Variants in L3MBTL4 observed in about 807,000 individuals in gnomAD.
L3MBTL4 encodes the protein L3MBTL histone methyl-lysine binding protein 4.
In L3MBTL4, 70 loss-of-function variants were observed where a neutral mutation model predicts 84.5. The ratio of observed to expected loss-of-function variants is 0.83; its 90% CI spans 0.68 to 1.01. The LOEUF is 1.01. Among genes scored for constraint, L3MBTL4 ranks in the 50% least tolerant of loss-of-function variants. L3MBTL4 has a pLI of 0.00. For missense variants in L3MBTL4, 715 were observed against 754.8 expected (o/e 0.95, Z 0.62); for synonymous variants, 274 against 259.8 (o/e 1.05, Z -0.52).
At chr18:6,139,693 A>C (rs185978311) in intron 13 of L3MBTL4, among the ~76,000 whole-genome samples, 6 of 152,006 alleles carry the variant, frequency 3.9e-5, no homozygotes, top group Non-Finnish European at 8.8e-5. Context: ...TCCTCATCTC[A>C]ATATTCCCCA....
At chr18:6,285,113 G>A (rs373894286) in intron 4 of L3MBTL4, among the ~76,000 whole-genome samples, 1 of 152,362 alleles carries the variant, frequency 6.6e-6, no homozygotes, top group East Asian at 1.9e-4. Flanking sequence ...CACTCAGGGC[G>A]AGGAGGCGTC....
intron 1 of L3MBTL4, among the ~76,000 whole-genome samples, chr18:6,345,728 T>G (rs1234513606): frequency 6.6e-6 from 1 of 152,132 alleles, no homozygotes; most frequent in African/African-American, 2.4e-5. Context: ...AAATTAATAC[T>G]GTTAAAATAT....
intron 18 of L3MBTL4, among the ~76,000 whole-genome samples, chr18:5,959,524 T>G (rs1260136844): frequency 2.0e-5 from 3 of 152,114 alleles, no homozygotes; most frequent in Non-Finnish European, 4.4e-5. Flanking sequence ...TTCAGTACAT[T>G]CCCAACCAAG....
At chr18:5,991,004 T>G (rs1448536687) in intron 16 of L3MBTL4, among the ~76,000 whole-genome samples, 2 of 152,178 alleles carry the variant, frequency 1.3e-5, no homozygotes, top group African/African-American at 4.8e-5. Context: ...GTCCACCTTG[T>G]TTCCGTGTCC....
chr18:6,171,831 G>C lies in L3MBTL4; in HGVS notation c.1093C>G (p.Gln365Glu). Residue 365 changes from glutamine to glutamate, a missense_variant, in exon 13 of 19, where the codon CAG (glutamine) becomes GAG (glutamate). By Grantham distance (29) the Gln-to-Glu change is conservative (BLOSUM62 2). Transcript: ENST00000317931. The stretch of plus-strand genomic sequence containing the variant: ...CAACAAAGAGCAAAGTACTCACGCT[G>C]TGGCACTTCCAGTGGATGCCCTGTG... ...DVTGHPLEVPQRTNDLKILPG... is the reference protein window; with the variant it reads ...DVTGHPLEVPERTNDLKILPG... 1 of 1,532,234 alleles carries C rather than the reference G, an allele frequency of 6.5e-7. No individual in the cohort carries two copies. Among genetic ancestry groups the C allele is most frequent in the Non-Finnish European group, 8.8e-7 (1 of 1,130,868 alleles). The allele number at this position is 1,532,234 out of a possible 1,614,324, so 94.9% of individuals were successfully genotyped here.
intron 18 of L3MBTL4, among the ~76,000 whole-genome samples, chr18:5,959,247 A>G (rs1221049229): frequency 1.3e-5 from 2 of 152,188 alleles, no homozygotes; most frequent in Non-Finnish European, 2.9e-5. Flanking sequence ...TCAGATGGAT[A>G]TGAGCTGGAA....
intron 3 of L3MBTL4, among the ~76,000 whole-genome samples, chr18:6,306,611 T>C (rs1355907244): frequency 6.6e-6 from 1 of 152,086 alleles, no homozygotes; most frequent in Non-Finnish European, 1.5e-5. Flanking sequence ...AAAAGTTGAG[T>C]TCAACCATGG....
At chr18:6,302,218 G>A (rs1374835317) in intron 3 of L3MBTL4, among the ~76,000 whole-genome samples, 2 of 152,128 alleles carry the variant, frequency 1.3e-5, no homozygotes, top group Non-Finnish European at 2.9e-5. Context: ...TTAATATTGA[G>A]GTTGACACAG....
chr18:6,173,090 T>C (rs2044054346), intron 12 of L3MBTL4, among the ~76,000 whole-genome samples: 1 of 152,192 alleles, frequency 6.6e-6, no homozygotes, highest in Non-Finnish European at 1.5e-5. Context: ...CCTAACACTG[T>C]GTGTTAACAA....
chr18:6,093,435 T>G lies in L3MBTL4; in HGVS notation c.1293A>C (p.Ser431=), dbSNP rs752578771. 4 of 1,614,110 alleles carry G rather than the reference T, an allele frequency of 2.5e-6. No individual in the cohort carries two copies. In the South Asian group the frequency reaches 4.4e-5, roughly 18 times the overall value. ...TTTTTGATTTTGAATGTGAAGAGTC[T>G]GATTCCAAATTTGCCTGTGTTTGTT... ...LREQTQANLE[S]DSSHSKSKSL... Residue 431 remains serine (S), a synonymous_variant, in exon 15 of 19, where the codon TCA becomes TCC. Transcript: ENST00000317931.
intron 16 of L3MBTL4, chr18:6,030,432 T>A (rs1425900566): frequency 1.0e-6 from 1 of 984,444 alleles, no homozygotes; most frequent in Non-Finnish European, 1.2e-6. Flanking sequence ...TCTGACTTTA[T>A]CATCAGGTAT....
rs779063792 is a variant in L3MBTL4 at position 6,080,867 on chromosome 18, G to A, written c.1444+14C>T. 6.4e-7 allele frequency: 1 copy of A among 1,561,832 alleles called. No homozygotes were observed. The highest frequency in any genetic ancestry group is 2.3e-5 in the East Asian group (1 of 44,390). On this transcript the variant is annotated intron_variant, in intron 16 of 18. Transcript: ENST00000317931. ...AAAGTATATTCTGTGTTTTGCTAGT[G>A]TTTTTGTTTTTACCTCTGAAGAGAT...
chr18:6,078,172 A>G (rs59541067), intron 16 of L3MBTL4, among the ~76,000 whole-genome samples: 3,366 of 151,548 alleles, frequency 0.022, 125 homozygotes, highest in African/African-American at 0.077. Flanking sequence ...CACACCTGTA[A>G]TCCCAGCACT....
At chr18:6,109,862 C>T (rs1418013566) in intron 14 of L3MBTL4, among the ~76,000 whole-genome samples, 1 of 151,962 alleles carries the variant, frequency 6.6e-6, no homozygotes, top group African/African-American at 2.4e-5. Flanking sequence ...TTCCTTTTTC[C>T]CTTAAATAAA....
intron 16 of L3MBTL4, among the ~76,000 whole-genome samples, chr18:6,074,310 T>G (rs2057787935): frequency 6.6e-6 from 1 of 152,238 alleles, no homozygotes; most frequent in Admixed American, 6.5e-5. Flanking sequence ...CCTTTCTTCT[T>G]TACTGTACTT....
chr18:6,030,351 G>C, intron 16 of L3MBTL4: 2 of 984,730 alleles, frequency 2.0e-6, no homozygotes, highest in Non-Finnish European at 2.4e-6. Context: ...CAAATAGCTA[G>C]CAAAAATCCT....
intron 1 of L3MBTL4, among the ~76,000 whole-genome samples, chr18:6,407,309 T>G (rs1250634251): frequency 1.3e-5 from 2 of 152,212 alleles, no homozygotes; most frequent in Non-Finnish European, 2.9e-5. Context: ...TCTTCTAAGC[T>G]GAATTGCATG....
intron 10 of L3MBTL4, among the ~76,000 whole-genome samples, chr18:6,236,745 A>G (rs1247019515): frequency 6.6e-6 from 1 of 152,152 alleles, no homozygotes; most frequent in Non-Finnish European, 1.5e-5. Context: ...TATTTCATAA[A>G]CCTTTCTAGA....
intron 5 of L3MBTL4, among the ~76,000 whole-genome samples, chr18:6,255,609 T>C (rs949991941): frequency 2.0e-5 from 3 of 152,162 alleles, no homozygotes; most frequent in African/African-American, 7.2e-5. Context: ...ATTTTTAAAA[T>C]ACAGTTCCTT....
Sources: allele counts gnomAD v4.1 joint callset (sites outside exome capture counted in the v4.1 genomes callset), GRCh38; gene constraint gnomAD v4.1.1; transcripts MANE v1.5; gene names NCBI Gene and HGNC (gene_info 2026-07-23, HGNC 2026-07-21).